The following CCSER2 variants were observed in gnomAD, a reference collection of about 807,000 sequenced individuals.
CCSER2 encodes the protein coiled-coil serine rich protein 2.
Under a neutral mutation model 92.3 loss-of-function variants are expected in CCSER2, and 46 were observed. The ratio of observed to expected loss-of-function variants is 0.50; its 90% CI spans 0.39 to 0.64. The LOEUF is 0.64. Among genes scored for constraint, CCSER2 ranks in the 30% least tolerant of loss-of-function variants. CCSER2 has a pLI of 0.00. For synonymous variants in CCSER2, 433 were observed against 431.4 expected, an observed-to-expected ratio of 1.00 and a Z score of -0.04; for missense variants, 1,244 against 1,238.9, an observed-to-expected ratio of 1.00 and a Z score of -0.06.
At chr10:84,355,706 G>A (rs1022170110) in intron 1 of CCSER2, among the ~76,000 whole-genome samples, 2 of 152,208 alleles carry the variant, frequency 1.3e-5, no homozygotes, top group South Asian at 2.1e-4. Flanking sequence ...AGTCATTGGT[G>A]TAATGAAAGC....
chr10:84,385,412 T>C (rs559991135), intron 3 of CCSER2, among the ~76,000 whole-genome samples: 4 of 152,206 alleles, frequency 2.6e-5, no homozygotes, highest in Admixed American at 2.6e-4. Flanking sequence ...AGTAGACACA[T>C]TGATTAATGG....
chr10:84,344,952 G>T (rs969910324), intron 1 of CCSER2, among the ~76,000 whole-genome samples: 2 of 152,230 alleles, frequency 1.3e-5, no homozygotes, highest in African/African-American at 2.4e-5. Context: ...CTGTAGGATT[G>T]TGAGGTTTAA....
intron 6 of CCSER2, among the ~76,000 whole-genome samples, chr10:84,447,633 T>C (rs188654249): frequency 6.6e-6 from 1 of 152,350 alleles, no homozygotes; most frequent in Non-Finnish European, 1.5e-5. Context: ...GCCATAAAAA[T>C]ATTCTATTCT....
chr10:84,376,640 T>G (rs1381438247), intron 3 of CCSER2, among the ~76,000 whole-genome samples: 1 of 152,158 alleles, frequency 6.6e-6, no homozygotes, highest in African/African-American at 2.4e-5. Flanking sequence ...ATTAGAGTAT[T>G]GCATGATTGT....
At chr10:84,330,334 T>G (rs895592057) in intron 1 of CCSER2, among the ~76,000 whole-genome samples, 2 of 152,258 alleles carry the variant, frequency 1.3e-5, no homozygotes, top group African/African-American at 4.8e-5. Context: ...GTGTTCTTTG[T>G]TGAGAATTCT....
intron 1 of CCSER2, among the ~76,000 whole-genome samples, chr10:84,332,453 T>C (rs1843631608): frequency 7.4e-6 from 1 of 135,464 alleles, no homozygotes; most frequent in African/African-American, 2.8e-5. Context: ...TTTTTTTTTT[T>C]TTTTGAGACA....
intron 3 of CCSER2, among the ~76,000 whole-genome samples, chr10:84,375,069 A>G (rs1846255153): frequency 6.6e-6 from 1 of 152,180 alleles, no homozygotes; most frequent in Admixed American, 6.6e-5. Context: ...GTTTTAAGGC[A>G]AATATGATTG....
chr10:84,465,804 G>A (rs763225122), intron 7 of CCSER2, among the ~76,000 whole-genome samples: 2 of 151,756 alleles, frequency 1.3e-5, no homozygotes, highest in African/African-American at 4.8e-5. Flanking sequence ...AGGCTGGAGT[G>A]CAGTGGCATG....
intron 1 of CCSER2, among the ~76,000 whole-genome samples, chr10:84,344,530 C>G (rs1305466857): frequency 1.3e-5 from 2 of 152,072 alleles, no homozygotes; most frequent in African/African-American, 2.4e-5. Context: ...TTTGAGTACT[C>G]TGTATTATAG....
chr10:84,495,169 G>C (rs1306905614), intron 9 of CCSER2, among the ~76,000 whole-genome samples: 1 of 145,152 alleles, frequency 6.9e-6, no homozygotes, highest in African/African-American at 2.5e-5. Context: ...CATTCAGTTT[G>C]ATATGGTTTT....
chr10:84,405,922 C>A (rs1460917740), intron 3 of CCSER2, among the ~76,000 whole-genome samples: 3 of 152,190 alleles, frequency 2.0e-5, no homozygotes, highest in Non-Finnish European at 4.4e-5. Flanking sequence ...CTCACTGTAT[C>A]ATCTAGCAGT....
chr10:84,388,927 T>A (rs1394984086), intron 3 of CCSER2, among the ~76,000 whole-genome samples: 2 of 152,162 alleles, frequency 1.3e-5, no homozygotes, highest in Non-Finnish European at 2.9e-5. Context: ...AGCCATAGAC[T>A]GGTACTGGTC....
chr10:84,449,107 G>GC (rs1845107967), intron 6 of CCSER2, among the ~76,000 whole-genome samples: 1 of 152,224 alleles, frequency 6.6e-6, no homozygotes, highest in Non-Finnish European at 1.5e-5. Flanking sequence ...AGGCGCGGTG[G>GC]CCCATGCCTG....
rs1437012702 is a variant in CCSER2, at chr10:84,513,469, C to T, written c.2346C>T (p.Ser782=). The part of the protein sequence containing the change: ...RRIPPQVLQP[S]SSLPRPTDHT... ...AACAGCCTCAAGTACTACAGCCTTCCAGCAGCCTTCCCAGACCCACAGATC... is the reference window on the plus strand; with the variant it reads ...AACAGCCTCAAGTACTACAGCCTTCTAGCAGCCTTCCCAGACCCACAGATC... The change falls in exon 10 of 10, where the codon TCC becomes TCT. Residue 782 remains serine, a synonymous_variant. Transcript: ENST00000372088. 6.2e-7 allele frequency: 1 copy of T among 1,609,820 alleles called. No homozygotes were observed. The highest frequency in any genetic ancestry group is 8.5e-7 in the Non-Finnish European group (1 of 1,177,606).
At chr10:84,495,276 C>A (rs1357910135) in intron 9 of CCSER2, among the ~76,000 whole-genome samples, 1 of 150,432 alleles carries the variant, frequency 6.6e-6, no homozygotes, top group Non-Finnish European at 1.5e-5. Flanking sequence ...TTCTTGTCAT[C>A]TTTCTGTTAT....
chr10:84,380,762 C>T (rs1048585274), intron 3 of CCSER2, among the ~76,000 whole-genome samples: 4 of 150,304 alleles, frequency 2.7e-5, no homozygotes, highest in South Asian at 2.1e-4. Flanking sequence ...GGCGCAATCT[C>T]GACTTACTGT....
At chr10:84,499,717 G>A (rs1214153074) in intron 9 of CCSER2, among the ~76,000 whole-genome samples, 1 of 152,122 alleles carries the variant, frequency 6.6e-6, no homozygotes, top group Non-Finnish European at 1.5e-5. Context: ...TGTATTTTTA[G>A]TAATTTGAGC....
At chr10:84,364,509 T>G (rs1041079708) in intron 1 of CCSER2, among the ~76,000 whole-genome samples, 10 of 152,184 alleles carry the variant, frequency 6.6e-5, no homozygotes, top group African/African-American at 2.4e-4. Flanking sequence ...GACAAGTATA[T>G]TAGCCTCTCT....
At chr10:84,467,024 T>A (rs1760761349) in intron 7 of CCSER2, among the ~76,000 whole-genome samples, 1 of 152,222 alleles carries the variant, frequency 6.6e-6, no homozygotes, top group African/African-American at 2.4e-5. Flanking sequence ...ATTATTTGTT[T>A]GTAAATGTGT....
Sources: gnomAD v4.1 joint callset for allele counts (sites outside exome capture counted in the v4.1 genomes callset) on GRCh38, gnomAD v4.1.1 for gene constraint, MANE v1.5 for transcripts, NCBI Gene and HGNC (gene_info 2026-07-23, HGNC 2026-07-21) for gene names.